The following BUD13 variants were observed in gnomAD, a reference collection of about 807,000 sequenced individuals.
BUD13 encodes BUD13 homolog.
BUD13 carries 47 observed loss-of-function variants against 62.5 expected under a neutral mutation model. That is an observed-to-expected ratio of 0.75 (90% CI 0.60 to 0.96). The LOEUF (loss-of-function observed/expected upper bound fraction) is 0.96. Among genes scored for constraint, BUD13 ranks in the 40% least tolerant of loss-of-function variants. The probability of loss-of-function intolerance (pLI) is 0.00; values close to 1 mark genes in which losing one functional copy is unlikely to be tolerated. For synonymous variants in BUD13, 293 were observed against 280.1 expected, an observed-to-expected ratio of 1.05 and a Z score of -0.46; for missense variants, 821 against 790.9, an observed-to-expected ratio of 1.04 and a Z score of -0.46.
intron 2 of BUD13, 89 bp from the exon 3 acceptor site, chr11:116,765,535 G>A (rs926516074): frequency 5.0e-6 from 7 of 1,391,276 alleles, no homozygotes; most frequent in African/African-American, 2.8e-5. Flanking sequence ...CAACCATTCC[G>A]ATTCCTAACA....
At chr11:116,759,222 G>A in intron 5 of BUD13, 43 bp from the exon 6 acceptor site, 1 of 1,403,884 alleles carries the variant, frequency 7.1e-7, no homozygotes, top group African/African-American at 1.4e-5. Context: ...ATGAGATGAT[G>A]TGACAGTAGG....
chr11:116,754,286 A>G (rs1940288722), intron 9 of BUD13, among the ~76,000 whole-genome samples: 1 of 152,212 alleles, frequency 6.6e-6, no homozygotes, highest in African/African-American at 2.4e-5. Context: ...GGCTCAAGCA[A>G]TCCGTCTGCC....
chr11:116,753,517 T>C (rs1940276026), intron 9 of BUD13, among the ~76,000 whole-genome samples: 1 of 152,216 alleles, frequency 6.6e-6, no homozygotes, highest in Non-Finnish European at 1.5e-5. Context: ...TTAAGAGGAA[T>C]ACAGTGTAAC....
chr11:116,765,550 G>A, intron 2 of BUD13, 104 bp from the exon 3 acceptor site: 1 of 1,201,898 alleles, frequency 8.3e-7, no homozygotes, highest in Non-Finnish European at 1.2e-6. Context: ...CTAACACAAG[G>A]GCGTACATAT....
At chr11:116,769,988 C>T (rs1202470020) in intron 2 of BUD13, 141 bp downstream of exon 2, 8 of 548,954 alleles carry the variant, frequency 1.5e-5, no homozygotes, top group South Asian at 2.4e-5. Flanking sequence ...ACCCGGGAGG[C>T]GGAGGTTGCA....
chr11:116,761,152 A>G (rs1940425224), intron 4 of BUD13, among the ~76,000 whole-genome samples, 200 bp from the exon 5 acceptor site: 1 of 152,004 alleles, frequency 6.6e-6, no homozygotes, highest in South Asian at 2.1e-4. Context: ...CCTGGGTTCA[A>G]GCAATTATTG....
intron 7 of BUD13, 108 bp downstream of exon 7, chr11:116,758,159 TAC>T: frequency 1.3e-6 from 2 of 1,504,504 alleles, no homozygotes; most frequent in Middle Eastern, 1.8e-4. Flanking sequence ...AATTTCCCAT[TAC>T]TGATAACAGC....
intron 2 of BUD13, among the ~76,000 whole-genome samples, chr11:116,767,881 G>A (rs1940559399): frequency 1.3e-5 from 2 of 151,512 alleles, no homozygotes; most frequent in Admixed American, 6.6e-5. Context: ...ACTAAGGTAG[G>A]AGGATTGCTT....
intron 9 of BUD13, among the ~76,000 whole-genome samples, chr11:116,756,286 C>A (rs923759040): frequency 6.6e-6 from 1 of 151,714 alleles, no homozygotes; most frequent in Non-Finnish European, 1.5e-5. Flanking sequence ...CTGAAGTGGG[C>A]GGGTCACCTG....
intron 5 of BUD13, among the ~76,000 whole-genome samples, chr11:116,760,500 T>C (rs1940409596): frequency 1.3e-5 from 2 of 152,364 alleles, no homozygotes; most frequent in African/African-American, 4.8e-5. Flanking sequence ...ATTGTAGAAT[T>C]AAGAGGCTAT....
At chr11:116,766,729 G>A (rs58115255) in intron 2 of BUD13, among the ~76,000 whole-genome samples, 3,842 of 152,252 alleles carry the variant, frequency 0.025, 169 homozygotes, top group African/African-American at 0.087. Context: ...CACTGCTATC[G>A]TAATCATCAT....
chr11:116,763,269 A>C lies in BUD13; in HGVS notation c.323-3T>G. 1.3e-6 allele frequency: 2 copies of C among 1,524,020 alleles called. No individual in the cohort carries two copies. Among genetic ancestry groups the C allele is most frequent in the African/African-American group, 2.8e-5 (2 of 72,088 alleles). The allele number at this position is 1,524,020 out of a possible 1,614,324, so 94.4% of individuals were successfully genotyped here. On this transcript the variant is annotated splice_region_variant and splice_polypyrimidine_tract_variant and intron_variant, in intron 3 of 9. Transcript: ENST00000260210. ...TGAGGGTAGGTCTTCGTTGTGGCCTAAACACAAATAACAAAGAGTCAGATT... is the reference window on the plus strand; with the variant it reads ...TGAGGGTAGGTCTTCGTTGTGGCCTCAACACAAATAACAAAGAGTCAGATT...
chr11:116,769,089 T>C (rs1940580690), intron 2 of BUD13, among the ~76,000 whole-genome samples: 1 of 152,088 alleles, frequency 6.6e-6, no homozygotes, highest in African/African-American at 2.4e-5. Context: ...TTACCAACTT[T>C]AGTGGAATTC....
In BUD13 at chr11:116,748,439, T is replaced by C. The variant is rs769980685; in HGVS notation, c.*43A>G. 3.0e-5 allele frequency: 46 copies of C among 1,555,050 alleles called. No homozygotes were observed. Among genetic ancestry groups the C allele is most frequent in the Non-Finnish European group, 3.9e-5 (44 of 1,126,492 alleles). On this transcript the variant is annotated 3_prime_UTR_variant, in exon 10 of 10. Transcript: ENST00000260210. ...TTACCACTGGATATCTCGCTGCCTA[T>C]GCCCACTACCACAGCCCAGCCACCC... is the stretch of plus-strand genomic sequence containing the variant.
chr11:116,755,346 G>A (rs974262078), intron 9 of BUD13, among the ~76,000 whole-genome samples: 1 of 152,110 alleles, frequency 6.6e-6, no homozygotes, highest in African/African-American at 2.4e-5. Flanking sequence ...ATTGTATAGT[G>A]GAAATATGTC....
rs767550000 is a variant in BUD13 at position 116,759,163 on chromosome 11, G to C, written c.1271C>G (p.Ser424Cys). Residue 424 changes from serine (S) to cysteine (C), a missense_variant, in exon 6 of 10, where the codon TCT becomes TGT. Physicochemically the swap from Ser to Cys is moderately radical, Grantham distance 112 (BLOSUM62 -1). This residue lies in a region of BUD13 where 800 missense variants were observed against 739.2 expected (regional missense o/e 1.08). Transcript: ENST00000260210. ...PPGKKAAHMYSGAKTGLVLTD... is the reference protein window; with the variant it reads ...PPGKKAAHMYCGAKTGLVLTD... Reference sequence around the variant, plus strand: ...TAACACCAACCCAGTTTTAGCCCCAGAATACATGTGTGCAGCCTATGCAAC... The same window carrying C: ...TAACACCAACCCAGTTTTAGCCCCACAATACATGTGTGCAGCCTATGCAAC... 82 of 1,613,842 alleles carry C rather than the reference G, an allele frequency of 5.1e-5. No individual in the cohort carries two copies. Among genetic ancestry groups the C allele is most frequent in the Non-Finnish European group, 5.8e-5 (68 of 1,179,908 alleles).
rs1354199007 is a variant in BUD13 at position 116,770,158 on chromosome 11, C to T, written c.208G>A (p.Glu70Lys). 1 of 1,613,512 alleles carries T rather than the reference C, an allele frequency of 6.2e-7. No individual in the cohort carries two copies. The highest frequency in any genetic ancestry group is 2.2e-5 in the East Asian group (1 of 44,830). ...GGCAAATCTCCATCATCTTCCTCTT[C>T]CTCCTTTTCTAGTTTGGTTGTGGAG... ...AISTTKLEKE[E>K]EEDDGDLPVV... The change falls in exon 2 of 10, where the codon GAA (glutamate) becomes AAA (lysine). Residue 70 changes from glutamate to lysine, a missense_variant. By Grantham distance (56) the Glu-to-Lys change is moderately conservative. Transcript: ENST00000260210.
chr11:116,757,030 G>C (rs1196608484), intron 9 of BUD13, 116 bp downstream of exon 9: 7 of 923,300 alleles, frequency 7.6e-6, no homozygotes, highest in Non-Finnish European at 1.0e-5. Context: ...AGCAAGCAAA[G>C]TGCATATTTT....
chr11:116,764,301 G>C (rs1024594260), intron 3 of BUD13, among the ~76,000 whole-genome samples: 2 of 152,166 alleles, frequency 1.3e-5, no homozygotes, highest in Non-Finnish European at 2.9e-5. Flanking sequence ...TTAAATGGAT[G>C]AATTAAACCA....
Sources: allele counts gnomAD v4.1 joint callset (sites outside exome capture counted in the v4.1 genomes callset), GRCh38; gene constraint gnomAD v4.1.1; regional missense constraint gnomAD v4.1.1; transcripts MANE v1.5; gene names NCBI Gene and HGNC (gene_info 2026-07-23, HGNC 2026-07-21).